Variants in TMEM135 observed in about 807,000 individuals in gnomAD.
TMEM135 encodes transmembrane protein 135, also known as peroxisomal membrane protein 52.
In TMEM135, 30 loss-of-function variants were observed where a neutral mutation model predicts 60.3. The observed-to-expected ratio is 0.50, with a 90% CI of 0.37 to 0.68. The LOEUF is 0.68. TMEM135 is among the 30% of genes least tolerant of loss of function. TMEM135 has a pLI of 0.00. For missense variants in TMEM135, 468 were observed against 548.8 expected (o/e 0.85, Z 1.47); for synonymous variants, 190 against 186.7 (o/e 1.02, Z -0.14).
intron 1 of TMEM135, among the ~76,000 whole-genome samples, chr11:87,058,952 G>A (rs1361591346): frequency 6.6e-6 from 1 of 150,594 alleles, no homozygotes; most frequent in Admixed American, 6.6e-5. Flanking sequence ...TTTTTTGTTT[G>A]TTTGAGACAG....
intron 5 of TMEM135, among the ~76,000 whole-genome samples, chr11:87,189,324 C>G (rs1939742425): frequency 6.6e-6 from 1 of 152,068 alleles, no homozygotes; most frequent in Admixed American, 6.6e-5. Flanking sequence ...CCATGCCTGG[C>G]TAATTTTTAT....
chr11:87,267,145 C>G (rs141572537), intron 6 of TMEM135, among the ~76,000 whole-genome samples: 1 of 152,168 alleles, frequency 6.6e-6, no homozygotes, highest in East Asian at 1.9e-4. Flanking sequence ...AAGAACTCTG[C>G]CATGAGTGGT....
In TMEM135 at chr11:87,123,198, C is replaced by T. The variant is rs533782326; in HGVS notation, c.396+31803C>T. On this transcript the variant is annotated intron_variant, in intron 4 of 14. Transcript: ENST00000305494. ...AAATTATCACAAACGTGGTGGCTTT[C>T]GGCAACAGAAATTTATTCTCTCTCA... Among the ~76,000 whole-genome samples the T allele has an allele frequency of 1.4e-4, 22 of 152,300 alleles. 1 individual carries two copies. In the South Asian group the frequency reaches 4.4e-3, roughly 30 times the overall value.
At chr11:87,081,034 A>C (rs1335844301) in intron 3 of TMEM135, among the ~76,000 whole-genome samples, 1 of 151,558 alleles carries the variant, frequency 6.6e-6, no homozygotes. Context: ...TCATATTTAC[A>C]GTTTGCAGAG....
At chr11:87,231,785 G>A (rs1378614982) in intron 5 of TMEM135, among the ~76,000 whole-genome samples, 1 of 151,664 alleles carries the variant, frequency 6.6e-6, no homozygotes, top group East Asian at 1.9e-4. Context: ...TATGGAAATA[G>A]GGGGAAAAAG....
intron 6 of TMEM135, among the ~76,000 whole-genome samples, chr11:87,259,966 C>G (rs1212504422): frequency 2.0e-5 from 3 of 152,098 alleles, no homozygotes; most frequent in Non-Finnish European, 4.4e-5. Context: ...CTGTCATCCT[C>G]AAATGCAAAA....
chr11:87,102,237 A>T (rs375367386), intron 4 of TMEM135, among the ~76,000 whole-genome samples: 3 of 152,198 alleles, frequency 2.0e-5, no homozygotes, highest in East Asian at 3.9e-4. Flanking sequence ...CTTCCAACTG[A>T]TCAGCTATAA....
At chr11:87,126,977 A>T (rs945751549) in intron 4 of TMEM135, among the ~76,000 whole-genome samples, 5 of 152,226 alleles carry the variant, frequency 3.3e-5, no homozygotes, top group African/African-American at 1.2e-4. Context: ...TTTCAAGAAT[A>T]CATATATAAG....
At chr11:87,039,778 A>G (rs1322348293) in intron 1 of TMEM135, among the ~76,000 whole-genome samples, 5 of 152,248 alleles carry the variant, frequency 3.3e-5, no homozygotes, top group Non-Finnish European at 5.9e-5. Flanking sequence ...TATGCTATCT[A>G]CTTCTCCCTC....
At chr11:87,289,983 A>G (rs947060771) in intron 6 of TMEM135, among the ~76,000 whole-genome samples, 1 of 149,840 alleles carries the variant, frequency 6.7e-6, no homozygotes, top group Non-Finnish European at 1.5e-5. Context: ...GTGGCTGTAT[A>G]GTATTCCATG....
At chr11:87,232,169 A>G (rs999064232) in intron 5 of TMEM135, among the ~76,000 whole-genome samples, 2 of 152,140 alleles carry the variant, frequency 1.3e-5, no homozygotes, top group East Asian at 1.9e-4. Context: ...CAGACTGGTC[A>G]TGAACTCCTG....
At chr11:87,119,661 A>G (rs1387833340) in intron 4 of TMEM135, among the ~76,000 whole-genome samples, 2 of 152,258 alleles carry the variant, frequency 1.3e-5, no homozygotes, top group African/African-American at 4.8e-5. Context: ...AGATCGTGCC[A>G]CTGCACTCCA....
intron 6 of TMEM135, among the ~76,000 whole-genome samples, chr11:87,270,874 A>T (rs1428232716): frequency 1.3e-5 from 2 of 152,200 alleles, no homozygotes; most frequent in Admixed American, 1.3e-4. Flanking sequence ...TAATGCATAA[A>T]TTTAAAAAAT....
chr11:87,182,739 T>G (rs1263086983), intron 5 of TMEM135, among the ~76,000 whole-genome samples: 1 of 152,138 alleles, frequency 6.6e-6, no homozygotes, highest in Non-Finnish European at 1.5e-5. Context: ...TAGACACAGG[T>G]GAATGTAATA....
At chr11:87,039,827 C>T (rs1263969926) in intron 1 of TMEM135, among the ~76,000 whole-genome samples, 3 of 152,226 alleles carry the variant, frequency 2.0e-5, no homozygotes, top group African/African-American at 7.2e-5. Context: ...AATTCATTCA[C>T]TTAACAAATA....
At chr11:87,075,082 A>G (rs1330795098) in intron 3 of TMEM135, among the ~76,000 whole-genome samples, 3 of 151,850 alleles carry the variant, frequency 2.0e-5, no homozygotes, top group Non-Finnish European at 4.4e-5. Flanking sequence ...CCGCCTCCCC[A>G]ACCCCCGACC....
intron 6 of TMEM135, among the ~76,000 whole-genome samples, chr11:87,291,628 A>G (rs1591173945): frequency 7.7e-6 from 1 of 130,644 alleles, no homozygotes. Flanking sequence ...GCCTCCTGCC[A>G]CCTCCCCAGT....
At chr11:87,180,631 C>A (rs1355023993) in intron 5 of TMEM135, among the ~76,000 whole-genome samples, 1 of 152,036 alleles carries the variant, frequency 6.6e-6, no homozygotes, top group Admixed American at 6.6e-5. Context: ...TGTAGACCAC[C>A]ATCTTTGTCC....
intron 5 of TMEM135, among the ~76,000 whole-genome samples, chr11:87,172,865 T>C (rs1290977303): frequency 6.6e-6 from 1 of 151,894 alleles, no homozygotes; most frequent in Non-Finnish European, 1.5e-5. Flanking sequence ...GTGAATTAAA[T>C]AATTAAATAA....
Sources: allele counts gnomAD v4.1 joint callset (sites outside exome capture counted in the v4.1 genomes callset), GRCh38; gene constraint gnomAD v4.1.1; transcripts MANE v1.5; gene names NCBI Gene and HGNC (gene_info 2026-07-23, HGNC 2026-07-21).